KBTBD11: variants seen among roughly 807,000 people sequenced by gnomAD.
KBTBD11 encodes the protein kelch repeat and BTB domain-containing protein 11.
For synonymous variants in KBTBD11, 747 were observed against 499.0 expected (o/e 1.50, Z -6.63); for missense variants, 1,390 against 1,001.8 (o/e 1.39, Z -5.23).
At chr8:1,980,030 A>G (rs1816486810) in intron 1 of KBTBD11, among the ~76,000 whole-genome samples, 1 of 152,190 alleles carries the variant, frequency 6.6e-6, no homozygotes, top group African/African-American at 2.4e-5. Context: ...CTGAGCTGGC[A>G]GTATTTCATC....
intron 1 of KBTBD11, among the ~76,000 whole-genome samples, chr8:1,994,097 T>C (rs1416589865): frequency 6.6e-6 from 1 of 152,106 alleles, no homozygotes; most frequent in South Asian, 2.1e-4. Flanking sequence ...CTACGGAGCT[T>C]AGACTTCAAG....
At position 2,006,651 on chromosome 8, in the gene KBTBD11, A is replaced by G. The variant is rs989634562; in HGVS notation, c.*3587A>G. 1.8e-5 allele frequency: 3 copies of G among 167,098 alleles called. No individual in the cohort carries two copies. The highest frequency in any genetic ancestry group is 4.4e-5 in the Non-Finnish European group (3 of 68,126). The allele number at this position is 167,098 out of a possible 1,614,324, so 10.4% of individuals were successfully genotyped here. A position where few individuals can be genotyped will look rare whatever the true frequency, so the allele number is the denominator to read the frequency against. On this transcript the variant is annotated 3_prime_UTR_variant, in exon 2 of 2. Transcript: ENST00000320248. ...GCTGGCAGGAGCTTCAGACACGCCA[A>G]GTGGATGGATTTGGATTGAACGCAT...
chr8:1,988,057 T>C (rs1816761526), intron 1 of KBTBD11, among the ~76,000 whole-genome samples: 1 of 152,222 alleles, frequency 6.6e-6, no homozygotes, highest in African/African-American at 2.4e-5. Flanking sequence ...GCAAAGGACA[T>C]GAACTCATCC....
intron 1 of KBTBD11, chr8:1,974,516 G>C: frequency 4.1e-6 from 4 of 985,098 alleles, no homozygotes; most frequent in Non-Finnish European, 4.8e-6. Context: ...CCTGGGGAGG[G>C]GAGCGCGGCC....
At chr8:1,986,743 T>C (rs1457981765) in intron 1 of KBTBD11, among the ~76,000 whole-genome samples, 1 of 152,202 alleles carries the variant, frequency 6.6e-6, no homozygotes, top group Non-Finnish European at 1.5e-5. Context: ...TTTAAACATA[T>C]GGCATTACGT....
In KBTBD11 at chr8:2,001,268, G is replaced by C; in HGVS notation, c.76G>C (p.Gly26Arg). The C allele has an allele frequency of 6.6e-7, 1 of 1,516,702 alleles. No individual in the cohort carries two copies. The highest frequency in any genetic ancestry group is 1.2e-5 in the South Asian group (1 of 81,066). 94.0% of individuals were successfully genotyped at this position (1,516,702 alleles called of 1,614,324 possible). A position where few individuals can be genotyped will look rare whatever the true frequency, so the allele number is the denominator to read the frequency against. ...GGCTGCCGGGGAGAGCGAGAGCGAG[G>C]GCGCCGCGTCCCCGGCGCAGACACC... Reference protein sequence around the residue: ...PGAAGESESEGAASPAQTPCS... With the variant: ...PGAAGESESERAASPAQTPCS... The change falls in exon 2 of 2, where the codon GGC (glycine) becomes CGC (arginine). Residue 26 changes from glycine to arginine, a missense_variant. Physicochemically the swap from Gly to Arg is moderately radical, Grantham distance 125. Transcript: ENST00000320248.
chr8:1,995,235 C>T lies in KBTBD11; in HGVS notation c.-908-5050C>T, dbSNP rs538806290. Among the ~76,000 whole-genome samples the T allele has an allele frequency of 2.8e-4, 42 of 152,104 alleles. No homozygotes were observed. In the South Asian group the frequency reaches 8.5e-3, roughly 31 times the overall value. On this transcript the variant is annotated intron_variant, in intron 1 of 1. Coordinates refer to ENST00000320248, the MANE Select transcript of KBTBD11 (RefSeq NM_014867.3). ...TTTCTAAACTACACAGAAAATATTGCTTACAATTGGCTTTAGTTTTCTTTT... is the reference window on the plus strand; with the variant it reads ...TTTCTAAACTACACAGAAAATATTGTTTACAATTGGCTTTAGTTTTCTTTT...
chr8:1,996,199 C>T (rs554148883), intron 1 of KBTBD11, among the ~76,000 whole-genome samples: 32 of 152,270 alleles, frequency 2.1e-4, no homozygotes, highest in Admixed American at 1.8e-3. Flanking sequence ...CCCACCCAGG[C>T]GCTATTCCCA....
chr8:1,975,771 C>A (rs566904590), intron 1 of KBTBD11: 6 of 152,242 alleles, frequency 3.9e-5, no homozygotes, highest in Non-Finnish European at 8.8e-5. Flanking sequence ...CTGGGCCTAA[C>A]TTGAACCTCA....
chr8:1,980,572 C>T (rs549861363), intron 1 of KBTBD11, among the ~76,000 whole-genome samples: 53 of 152,346 alleles, frequency 3.5e-4, no homozygotes, highest in African/African-American at 1.0e-3. Context: ...CAGCCTCTGC[C>T]TCCACACTGC....
chr8:2,002,480 C>T lies in KBTBD11; in HGVS notation c.1288C>T (p.Pro430Ser). The T allele has an allele frequency of 2.0e-6, 3 of 1,509,030 alleles. No individual in the cohort carries two copies. The highest frequency in any genetic ancestry group is 2.6e-6 in the Non-Finnish European group (3 of 1,137,140). The allele number at this position is 1,509,030 out of a possible 1,614,324, so 93.5% of individuals were successfully genotyped here. ...CCTGCTCAGCGTGGAGCGCTACGAC[C>T]CGCGCGCCGACCGCTGGGCCCCCGT... ...ECLLSVERYDPRADRWAPVAP... is the reference protein window; with the variant it reads ...ECLLSVERYDSRADRWAPVAP... Residue 430 changes from proline (P) to serine (S), a missense_variant, in exon 2 of 2, where the codon CCG becomes TCG. Coordinates refer to ENST00000320248, the MANE Select transcript of KBTBD11 (RefSeq NM_014867.3). The surrounding 1 kb of genome is among the most constrained non-coding windows in gnomAD (Gnocchi z 4.1).
rs2129317621 is a variant in KBTBD11 at position 2,004,597 on chromosome 8, A to G, written c.*1533A>G. The G allele has an allele frequency of 6.0e-6, 1 of 167,236 alleles. No individual in the cohort carries two copies. The highest frequency in any genetic ancestry group is 1.5e-5 in the Non-Finnish European group (1 of 68,130). 10.4% of individuals were successfully genotyped at this position (167,236 alleles called of 1,614,324 possible). On this transcript the variant is annotated 3_prime_UTR_variant, in exon 2 of 2. Coordinates refer to ENST00000320248, the MANE Select transcript of KBTBD11 (RefSeq NM_014867.3). ...TGAGAGGTCTCAGTTAAGTGTGTTT[A>G]GAAGTGATCAGCTTGAACCTTATGC...
At chr8:1,980,829 G>A (rs764258520) in intron 1 of KBTBD11, among the ~76,000 whole-genome samples, 2 of 152,168 alleles carry the variant, frequency 1.3e-5, no homozygotes, top group South Asian at 2.1e-4. Flanking sequence ...TACCGTTTTC[G>A]GCACGACTTT....
Position 2,002,383 on chromosome 8 carries a change from C to T in KBTBD11, c.1191C>T (p.Pro397=), listed in dbSNP as rs748802815. 2.0e-6 allele frequency: 3 copies of T among 1,480,060 alleles called. No individual in the cohort carries two copies. The highest frequency in any genetic ancestry group is 2.7e-6 in the Non-Finnish European group (3 of 1,121,544). 91.7% of individuals were successfully genotyped at this position (1,480,060 alleles called of 1,614,324 possible). ...PATDSWSAVR[P]LRQARSQLRL... is the part of the protein sequence containing the mutation. ...CGGACAGCTGGAGCGCCGTGAGGCC[C>T]CTGCGCCAGGCGCGCTCGCAGCTGC... The change falls in exon 2 of 2, where the codon CCC becomes CCT. Residue 397 remains proline (P), a synonymous_variant. Transcript: ENST00000320248. The surrounding 1 kb of genome is among the most constrained non-coding windows in gnomAD (Gnocchi z 4.1).
At position 2,002,524 on chromosome 8, in the gene KBTBD11, C is replaced by G; in HGVS notation, c.1332C>G (p.Gly444=). Residue 444 remains glycine (G), a synonymous_variant, in exon 2 of 2, where the codon GGC becomes GGG. Coordinates refer to ENST00000320248, the MANE Select transcript of KBTBD11 (RefSeq NM_014867.3). This position sits in a 1 kb window ranked among gnomAD's most constrained non-coding sequence, Gnocchi z 4.1. ...CCCCCGTGGCGCCGCTGCCCCGGGG[C>G]GCCTTCGCCGTGGCGCATGAGGCCA... The part of the protein sequence containing the change: ...RWAPVAPLPR[G]AFAVAHEATT... 6.5e-7 allele frequency: 1 copy of G among 1,532,830 alleles called. No individual in the cohort carries two copies. The highest frequency in any genetic ancestry group is 1.2e-5 in the South Asian group (1 of 83,702). The allele number at this position is 1,532,830 out of a possible 1,614,324, so 95.0% of individuals were successfully genotyped here. A position where few individuals can be genotyped will look rare whatever the true frequency, so the allele number is the denominator to read the frequency against.
chr8:1,976,768 G>T lies in KBTBD11; in HGVS notation c.-909+2833G>T, dbSNP rs145679829. On this transcript the variant is annotated intron_variant, in intron 1 of 1. Coordinates refer to ENST00000320248, the MANE Select transcript of KBTBD11 (RefSeq NM_014867.3). ...GAGGAATACATTCCCTTGAATGCAC[G>T]TAACAGAGGAATGTTAGGCCGAGAA... is the stretch of plus-strand genomic sequence containing the variant. 4.6e-5 allele frequency among the ~76,000 whole-genome samples: 7 copies of T among 152,310 alleles called. No individual in the cohort carries two copies. In the South Asian group the frequency reaches 1.5e-3, roughly 32 times the overall value.
chr8:2,001,833 T>G lies in KBTBD11; in HGVS notation c.641T>G (p.Leu214Arg). 8.2e-7 allele frequency: 1 copy of G among 1,216,400 alleles called. No individual in the cohort carries two copies. 75.4% of individuals were successfully genotyped at this position (1,216,400 alleles called of 1,614,324 possible). The change falls in exon 2 of 2, where the codon CTG (leucine) becomes CGG (arginine). Residue 214 changes from leucine to arginine, a missense_variant. By Grantham distance (102) the Leu-to-Arg change is moderately radical. Coordinates refer to ENST00000320248, the MANE Select transcript of KBTBD11 (RefSeq NM_014867.3). ...GAGGTGGTGGCCGGCGCGCGCCGCC[T>G]GCAGCTGCCCGGCGCCGCGCAGCGC... Reference protein sequence around the residue: ...VAEVVAGARRLQLPGAAQRAT... With the variant: ...VAEVVAGARRRQLPGAAQRAT...
chr8:1,975,669 C>T (rs2129307098), intron 1 of KBTBD11, among the ~76,000 whole-genome samples: 1 of 152,312 alleles, frequency 6.6e-6, no homozygotes, highest in East Asian at 1.9e-4. Context: ...TTTAAGCCAG[C>T]ATTGGGCTTG....
intron 1 of KBTBD11, among the ~76,000 whole-genome samples, chr8:1,981,370 G>GT (rs1816534900): frequency 6.6e-6 from 1 of 152,232 alleles, no homozygotes; most frequent in South Asian, 2.1e-4. Context: ...ACTGGTAAAT[G>GT]TAAGTACACG....
Sources: allele counts gnomAD v4.1 joint callset (sites outside exome capture counted in the v4.1 genomes callset), GRCh38; gene constraint gnomAD v4.1.1; non-coding constraint Gnocchi (gnomAD v3.1); transcripts MANE v1.5; gene names NCBI Gene and HGNC (gene_info 2026-07-23, HGNC 2026-07-21).